COL16A1: variants seen among roughly 807,000 people sequenced by gnomAD.
COL16A1 encodes collagen alpha-1(XVI) chain.
In COL16A1, 189 loss-of-function variants were observed where a neutral mutation model predicts 266.3. The ratio of observed to expected loss-of-function variants is 0.71; its 90% CI spans 0.63 to 0.80. The LOEUF (loss-of-function observed/expected upper bound fraction) is 0.80. COL16A1 is among the 30% of genes least tolerant of loss of function. The probability of loss-of-function intolerance (pLI) is 0.00; values close to 1 mark genes in which losing one functional copy is unlikely to be tolerated. For missense variants in COL16A1, 1,928 were observed against 2,122.4 expected, an observed-to-expected ratio of 0.91 and a Z score of 1.80; for synonymous variants, 740 against 782.3, an observed-to-expected ratio of 0.95 and a Z score of 0.90.
At chr1:31,661,263 A>T in intron 60 of COL16A1, 144 bp from the exon 61 acceptor site, 1 of 1,486,814 alleles carries the variant, frequency 6.7e-7, no homozygotes, top group Non-Finnish European at 9.2e-7. Context: ...TAGACAGAGA[A>T]GCCCTGACCC....
At chr1:31,689,931 G>T in intron 22 of COL16A1, 80 bp from the exon 23 acceptor site, 2 of 1,237,782 alleles carry the variant, frequency 1.6e-6, no homozygotes, top group African/African-American at 1.5e-5. Flanking sequence ...GCGCAGACCA[G>T]CCCTAGACAT....
chr1:31,680,761 G>A, intron 39 of COL16A1, 144 bp downstream of exon 39: 1 of 1,520,976 alleles, frequency 6.6e-7, no homozygotes, highest in Admixed American at 1.9e-5. Flanking sequence ...TCCAGTCCAA[G>A]GCAGCTTCAT....
At chr1:31,700,358 G>A (rs1289739236) in intron 2 of COL16A1, among the ~76,000 whole-genome samples, 1 of 152,226 alleles carries the variant, frequency 6.6e-6, no homozygotes, top group Non-Finnish European at 1.5e-5. Context: ...GTCACTAAGT[G>A]AGCCAACAGC....
intron 44 of COL16A1, 38 bp downstream of exon 44, chr1:31,674,969 C>A: frequency 6.2e-7 from 1 of 1,606,756 alleles, no homozygotes; most frequent in Non-Finnish European, 8.5e-7. Flanking sequence ...AGGAGACACC[C>A]CCGCCAGCTC....
chr1:31,665,665 C>T, intron 54 of COL16A1, 47 bp from the exon 55 acceptor site: 1 of 1,604,946 alleles, frequency 6.2e-7, no homozygotes, highest in Non-Finnish European at 8.5e-7. Context: ...CCCCTCTCTC[C>T]TGCCTGGCTG....
chr1:31,692,116 C>T (rs779921589), intron 16 of COL16A1, 49 bp from the exon 17 acceptor site: 8 of 1,611,784 alleles, frequency 5.0e-6, no homozygotes, highest in Middle Eastern at 3.3e-4. Context: ...GGGCCTGGGA[C>T]AGCTGGGCAG....
chr1:31,665,753 A>T (rs1481125796), intron 54 of COL16A1, 129 bp downstream of exon 54: 36 of 1,594,192 alleles, frequency 2.3e-5, no homozygotes, highest in Non-Finnish European at 3.0e-5. Context: ...CATGGCTGGC[A>T]GGTGAGGCTC....
In COL16A1 at chr1:31,656,516, T is replaced by C. The variant is rs1570338118; in HGVS notation, c.4057-72A>G. The stretch of plus-strand genomic sequence containing the variant: ...AGGCTCCCTGGGGAGGCAGGTGCAG[T>C]GAAGAGGCCCCTTCCACAGCCTGAG... On this transcript the variant is annotated intron_variant, in intron 65 of 70. Transcript: ENST00000373672. The surrounding 1 kb of genome is among the most constrained non-coding windows in gnomAD (Gnocchi z 4.2). 6.3e-7 allele frequency: 1 copy of C among 1,576,812 alleles called. No homozygotes were observed. Among genetic ancestry groups the C allele is most frequent in the East Asian group, 2.3e-5 (1 of 43,736 alleles).
rs906280217 is a variant in COL16A1 at position 31,664,468 on chromosome 1, C to T, written c.3555+704G>A. Among the ~76,000 whole-genome samples, 1 of 152,156 alleles carries T rather than the reference C, an allele frequency of 6.6e-6. No individual in the cohort carries two copies. Among genetic ancestry groups the T allele is most frequent in the African/African-American group, 2.4e-5 (1 of 41,428 alleles). The stretch of plus-strand genomic sequence containing the variant: ...CCTGTCCCTCTGAACCCAGGTCCCC[C>T]GACCCCAAGCTCAGAAGTCAATCTT... On this transcript the variant is annotated intron_variant, in intron 56 of 70. Coordinates refer to ENST00000373672, the MANE Select transcript of COL16A1 (RefSeq NM_001856.4). This position sits in a 1 kb window ranked among gnomAD's most constrained non-coding sequence, Gnocchi z 5.5.
chr1:31,661,306 C>T, intron 60 of COL16A1, 108 bp downstream of exon 60: 1 of 1,577,746 alleles, frequency 6.3e-7, no homozygotes, highest in Non-Finnish European at 8.6e-7. Context: ...CCAGGAGGCT[C>T]TGATGCTGGG....
intron 66 of COL16A1, chr1:31,655,886 C>T (rs1170980473): frequency 1.0e-5 from 3 of 295,868 alleles, no homozygotes; most frequent in Middle Eastern, 1.1e-3. Flanking sequence ...CCTGAATGCC[C>T]TTCCCCTCAT....
chr1:31,690,135 G>C (rs1303780507), intron 22 of COL16A1, among the ~76,000 whole-genome samples: 2 of 152,208 alleles, frequency 1.3e-5, no homozygotes, highest in Non-Finnish European at 2.9e-5. Context: ...GAAGCTAATT[G>C]ATCTGGCACA....
In COL16A1 at chr1:31,656,369, C is replaced by T; in HGVS notation, c.4101+31G>A. On this transcript the variant is annotated intron_variant, in intron 66 of 70. Transcript: ENST00000373672. The surrounding 1 kb of genome is among the most constrained non-coding windows in gnomAD (Gnocchi z 4.2). ...CTGGGCTTCATCCACTCGTGAGCTT[C>T]TCCTCTCAAGCCCAGCCAGTGCCCA... is the stretch of plus-strand genomic sequence containing the variant. The T allele has an allele frequency of 1.2e-6, 2 of 1,612,506 alleles. No individual in the cohort carries two copies. The highest frequency in any genetic ancestry group is 1.7e-6 in the Non-Finnish European group (2 of 1,179,482).
intron 42 of COL16A1, chr1:31,679,318 T>G: frequency 7.4e-6 from 9 of 1,208,136 alleles, no homozygotes; most frequent in Non-Finnish European, 1.0e-5. Context: ...CATGAATGAG[T>G]GTTGAATGCT....
At chr1:31,658,394 C>T in intron 64 of COL16A1, 94 bp downstream of exon 64, 1 of 1,102,208 alleles carries the variant, frequency 9.1e-7, no homozygotes, top group Admixed American at 2.6e-5. Flanking sequence ...CCTCTCCTTC[C>T]TTAGAGACCC....
chr1:31,665,437 G>A, intron 55 of COL16A1, 146 bp downstream of exon 55: 1 of 1,492,300 alleles, frequency 6.7e-7, no homozygotes, highest in South Asian at 1.2e-5. Flanking sequence ...CTGGTTCCTG[G>A]AATCAGGCCT....
At chr1:31,699,081 C>G (rs2148830853) in intron 4 of COL16A1, among the ~76,000 whole-genome samples, 1 of 152,152 alleles carries the variant, frequency 6.6e-6, no homozygotes, top group Non-Finnish European at 1.5e-5. Context: ...GGCAACAGAG[C>G]AAGACTTGGT....
chr1:31,687,589 A>G (rs1644052274), intron 26 of COL16A1, among the ~76,000 whole-genome samples: 1 of 150,562 alleles, frequency 6.6e-6, no homozygotes, highest in Non-Finnish European at 1.5e-5. Flanking sequence ...TGAGAGAGCC[A>G]TCATGGGCAG....
intron 11 of COL16A1, 104 bp downstream of exon 11, chr1:31,695,082 C>CA (rs1644435946): frequency 8.2e-7 from 1 of 1,217,564 alleles, no homozygotes. Flanking sequence ...TGAAAGTGTA[C>CA]AAAGACCCCC....
Sources: allele counts gnomAD v4.1 joint callset (sites outside exome capture counted in the v4.1 genomes callset), GRCh38; gene constraint gnomAD v4.1.1; non-coding constraint Gnocchi (gnomAD v3.1); transcripts MANE v1.5; gene names NCBI Gene and HGNC (gene_info 2026-07-23, HGNC 2026-07-21).